The following RNF130 variants were observed in gnomAD, a reference collection of about 807,000 sequenced individuals.
The protein encoded by RNF130 is ring finger protein 130, also known as E3 ubiquitin-protein ligase RNF130.
In RNF130, 21 loss-of-function variants were observed where a neutral mutation model predicts 44.6. That is an observed-to-expected ratio of 0.47 (90% CI 0.33 to 0.68). The LOEUF is 0.68. Ranked by LOEUF, RNF130 falls within the 30% of genes least tolerant of loss-of-function variation. RNF130 has a pLI of 0.02. For missense variants in RNF130, 479 were observed against 560.6 expected (o/e 0.85, Z 1.47); for synonymous variants, 214 against 210.4 (o/e 1.02, Z -0.15).
At chr5:179,920,203 A>G (rs1761607479) in exon 8 of RNF130, 2 of 605,008 alleles carry the variant, frequency 3.3e-6, no homozygotes, top group East Asian at 2.8e-5. Flanking sequence ...CTGTGCTTGG[A>G]AAGTGCTGCC....
At chr5:179,912,550 A>C (rs1384028398) in exon 8 of RNF130, 1 of 152,258 alleles carries the variant, frequency 6.6e-6, no homozygotes, top group Non-Finnish European at 1.5e-5. Flanking sequence ...GCTTCTCTCC[A>C]GGATGGCATG....
chr5:179,924,809 A>G (rs1047432658), intron 7 of RNF130, among the ~76,000 whole-genome samples: 2 of 152,088 alleles, frequency 1.3e-5, no homozygotes, highest in Non-Finnish European at 2.9e-5. Flanking sequence ...AATATAAATA[A>G]AAAATTTAAA....
At chr5:179,927,418 T>C (rs1277910865) in intron 7 of RNF130, among the ~76,000 whole-genome samples, 1 of 152,096 alleles carries the variant, frequency 6.6e-6, no homozygotes, top group African/African-American at 2.4e-5. Context: ...AGTATCCAGT[T>C]CAATGAATTT....
At chr5:179,932,353 G>C (rs923664375) in intron 7 of RNF130, among the ~76,000 whole-genome samples, 2 of 152,014 alleles carry the variant, frequency 1.3e-5, no homozygotes, top group African/African-American at 4.8e-5. Flanking sequence ...CACCTCCCAG[G>C]TTCAAGCGAT....
At chr5:180,048,983 G>A (rs1764630246) in intron 1 of RNF130, among the ~76,000 whole-genome samples, 1 of 152,234 alleles carries the variant, frequency 6.6e-6, no homozygotes, top group East Asian at 1.9e-4. Flanking sequence ...CTTAAAGCAT[G>A]TGGCTGCATG....
At chr5:179,922,351 T>C (rs981390252) in intron 7 of RNF130, among the ~76,000 whole-genome samples, 1 of 152,066 alleles carries the variant, frequency 6.6e-6, no homozygotes, top group Non-Finnish European at 1.5e-5. Context: ...CTTGCCCTGT[T>C]GCCCAGGCTG....
downstream of RNF130, among the ~76,000 whole-genome samples, chr5:179,951,668 G>C (rs942288162): frequency 1.3e-5 from 2 of 152,124 alleles, no homozygotes; most frequent in Admixed American, 6.5e-5. Flanking sequence ...ATGTTAGGTC[G>C]TAAGAGAAGC....
At chr5:180,060,859 G>A (rs1197938044) in intron 1 of RNF130, among the ~76,000 whole-genome samples, 2 of 152,032 alleles carry the variant, frequency 1.3e-5, no homozygotes, top group Admixed American at 6.5e-5. Context: ...CACGAGGTCG[G>A]GCGATCGAGA....
chr5:180,058,232 T>C (rs1764884254), intron 1 of RNF130, among the ~76,000 whole-genome samples: 1 of 152,222 alleles, frequency 6.6e-6, no homozygotes, highest in Non-Finnish European at 1.5e-5. Flanking sequence ...ACTAGGTTCA[T>C]GGCTACATCA....
chr5:179,941,039 T>C (rs948617201), intron 7 of RNF130, among the ~76,000 whole-genome samples: 2 of 152,204 alleles, frequency 1.3e-5, no homozygotes, highest in African/African-American at 4.8e-5. Context: ...GCATTTCCTT[T>C]TGATTTTGTT....
intron 1 of RNF130, among the ~76,000 whole-genome samples, chr5:180,044,107 T>C (rs959614693): frequency 6.6e-6 from 1 of 152,228 alleles, no homozygotes; most frequent in African/African-American, 2.4e-5. Context: ...ATTTATTAAG[T>C]GAAGACATAT....
intron 3 of RNF130, among the ~76,000 whole-genome samples, chr5:179,980,675 T>G (rs923071273): frequency 6.6e-6 from 1 of 152,156 alleles, no homozygotes; most frequent in African/African-American, 2.4e-5. Flanking sequence ...CATCATCAAG[T>G]GTGAAGAGAA....
intron 3 of RNF130, among the ~76,000 whole-genome samples, chr5:179,991,068 T>C (rs1332591238): frequency 6.6e-6 from 1 of 152,238 alleles, no homozygotes; most frequent in Non-Finnish European, 1.5e-5. Flanking sequence ...ACGAAGTTTA[T>C]TCTAGCTGGA....
chr5:180,014,119 G>A (rs900360640), intron 2 of RNF130, among the ~76,000 whole-genome samples: 3 of 152,200 alleles, frequency 2.0e-5, no homozygotes, highest in African/African-American at 7.2e-5. Context: ...CCAGAGGTCT[G>A]CCCACAAGCA....
At chr5:179,961,585 A>G (rs1197654740) in intron 8 of RNF130, among the ~76,000 whole-genome samples, 1 of 152,172 alleles carries the variant, frequency 6.6e-6, no homozygotes, top group Non-Finnish European at 1.5e-5. Context: ...CTATTAAACT[A>G]CCCAATAATT....
At chr5:179,992,612 T>C (rs1378561701) in intron 3 of RNF130, among the ~76,000 whole-genome samples, 1 of 152,224 alleles carries the variant, frequency 6.6e-6, no homozygotes. Flanking sequence ...TGTCATATTA[T>C]CTTTTTCATA....
At chr5:180,021,741 C>T (rs973062776) in intron 2 of RNF130, among the ~76,000 whole-genome samples, 11 of 152,114 alleles carry the variant, frequency 7.2e-5, no homozygotes, top group African/African-American at 2.7e-4. Flanking sequence ...TCATCACCCC[C>T]GAATATGTGG....
intron 1 of RNF130, among the ~76,000 whole-genome samples, chr5:180,051,238 A>ATTTATTTATTTATT (rs1554107011): frequency 6.2e-5 from 9 of 144,158 alleles, no homozygotes; most frequent in South Asian, 2.3e-4. Flanking sequence ...TATAGATATT[A>ATTTATTTATTTATT]TATTTATTTA....
chr5:180,034,560 A>G (rs1283526029), intron 2 of RNF130, among the ~76,000 whole-genome samples: 1 of 150,832 alleles, frequency 6.6e-6, no homozygotes, highest in Non-Finnish European at 1.5e-5. Context: ...TCTTGAGTCA[A>G]TTCTGACAAT....
Sources: allele counts gnomAD v4.1 joint callset (sites outside exome capture counted in the v4.1 genomes callset), GRCh38; gene constraint gnomAD v4.1.1; transcripts MANE v1.5; gene names NCBI Gene and HGNC (gene_info 2026-07-23, HGNC 2026-07-21).